The following ZDHHC2 variants were observed in gnomAD, a reference collection of about 807,000 sequenced individuals.
ZDHHC2 encodes palmitoyltransferase ZDHHC2.
Under a neutral mutation model 55.6 loss-of-function variants are expected in ZDHHC2, and 51 were observed. That is an observed-to-expected ratio of 0.92 (90% CI 0.73 to 1.16). The LOEUF (loss-of-function observed/expected upper bound fraction) is 1.16. ZDHHC2 is among the 50% of genes most tolerant of loss of function. ZDHHC2 has a pLI of 0.00. For synonymous variants in ZDHHC2, 199 were observed against 152.9 expected, an observed-to-expected ratio of 1.30 and a Z score of -2.22; for missense variants, 491 against 442.4, an observed-to-expected ratio of 1.11 and a Z score of -0.99.
At chr8:17,209,145 T>C (rs1807248633) in intron 8 of ZDHHC2, among the ~76,000 whole-genome samples, 1 of 152,186 alleles carries the variant, frequency 6.6e-6, no homozygotes, top group Non-Finnish European at 1.5e-5. Flanking sequence ...TCTCAGTCTG[T>C]CGTGTGTTTG....
intron 1 of ZDHHC2, among the ~76,000 whole-genome samples, chr8:17,183,300 T>C (rs1046698114): frequency 1.3e-5 from 2 of 152,188 alleles, no homozygotes; most frequent in African/African-American, 4.8e-5. Flanking sequence ...TGGAGCACTT[T>C]TGAAGACAGG....
chr8:17,212,022 A>G (rs1221827152), intron 10 of ZDHHC2, among the ~76,000 whole-genome samples: 1 of 152,034 alleles, frequency 6.6e-6, no homozygotes, highest in Admixed American at 6.6e-5. Flanking sequence ...TTCTCCTTCC[A>G]CTAAGGGCAC....
At position 17,167,503 on chromosome 8, in the gene ZDHHC2, G is replaced by A. The variant is rs1446435993; in HGVS notation, c.130+10650G>A. 2.0e-5 allele frequency among the ~76,000 whole-genome samples: 3 copies of A among 151,856 alleles called. No individual in the cohort carries two copies. The East Asian group carries it at 5.8e-4, about 29-fold the overall frequency. The stretch of plus-strand genomic sequence containing the variant: ...CCATTTTTGTAGAGACGGGGTTTCC[G>A]CATGTTGGCCAGGCTGGTCTTGAAC... On this transcript the variant is annotated intron_variant, in intron 1 of 12. Transcript: ENST00000262096.
chr8:17,200,047 G>A (rs1806666795), intron 6 of ZDHHC2, among the ~76,000 whole-genome samples: 1 of 152,138 alleles, frequency 6.6e-6, no homozygotes, highest in African/African-American at 2.4e-5. Context: ...GAGCCACCAT[G>A]CCTGGCCAAC....
At chr8:17,158,768 T>C (rs1804190905) in intron 1 of ZDHHC2, among the ~76,000 whole-genome samples, 1 of 152,244 alleles carries the variant, frequency 6.6e-6, no homozygotes, top group Admixed American at 6.5e-5. Context: ...ATACCTTATC[T>C]ATCACTTCTT....
intron 3 of ZDHHC2, among the ~76,000 whole-genome samples, chr8:17,194,910 G>C (rs1007772979): frequency 1.3e-5 from 2 of 152,100 alleles, no homozygotes; most frequent in Non-Finnish European, 2.9e-5. Context: ...CTGTGTGGAA[G>C]ATATGTATTT....
intron 1 of ZDHHC2, among the ~76,000 whole-genome samples, chr8:17,178,380 A>C (rs1805257878): frequency 6.6e-6 from 1 of 152,174 alleles, no homozygotes; most frequent in Admixed American, 6.6e-5. Flanking sequence ...GACTATATTA[A>C]TATATAGTAT....
chr8:17,156,654 C>G lies in ZDHHC2; in HGVS notation c.-70C>G. Reference sequence around the variant, plus strand: ...AGCCCGTCCAGCCAGGGGTGCCGGGCCCGCCCAGCCCGCCCCGGAGCCAGG... The same window carrying G: ...AGCCCGTCCAGCCAGGGGTGCCGGGGCCGCCCAGCCCGCCCCGGAGCCAGG... On this transcript the variant is annotated 5_prime_UTR_variant, in exon 1 of 13. Transcript: ENST00000262096. 2 of 1,140,622 alleles carry G rather than the reference C, an allele frequency of 1.8e-6. No individual in the cohort carries two copies. Among genetic ancestry groups the G allele is most frequent in the Non-Finnish European group, 1.1e-6 (1 of 931,010 alleles). The allele number at this position is 1,140,622 out of a possible 1,614,324, so 70.7% of individuals were successfully genotyped here.
At chr8:17,218,976 C>T (rs534361740) in intron 12 of ZDHHC2, among the ~76,000 whole-genome samples, 27 of 151,950 alleles carry the variant, frequency 1.8e-4, no homozygotes, top group African/African-American at 5.1e-4. Flanking sequence ...ATTGGCCGGG[C>T]GCGGTGGCTC....
intron 1 of ZDHHC2, among the ~76,000 whole-genome samples, chr8:17,162,033 A>G (rs1804370409): frequency 6.6e-6 from 1 of 152,182 alleles, no homozygotes; most frequent in African/African-American, 2.4e-5. Context: ...ATAAAACATG[A>G]TATGTTCCAA....
intron 6 of ZDHHC2, among the ~76,000 whole-genome samples, chr8:17,203,538 T>A (rs893552036): frequency 1.3e-5 from 2 of 151,996 alleles, no homozygotes; most frequent in Non-Finnish European, 2.9e-5. Flanking sequence ...CCACCCATAT[T>A]GTCCAAAGTT....
chr8:17,214,342 A>G (rs1301558266), intron 10 of ZDHHC2, among the ~76,000 whole-genome samples: 1 of 152,164 alleles, frequency 6.6e-6, no homozygotes. Context: ...TATTCCTGCA[A>G]AATAGTTTGC....
At chr8:17,194,133 T>A (rs987196437) in intron 3 of ZDHHC2, among the ~76,000 whole-genome samples, 1 of 152,298 alleles carries the variant, frequency 6.6e-6, no homozygotes, top group South Asian at 2.1e-4. Context: ...TTCCGTGGTA[T>A]GTATGTGCCA....
intron 9 of ZDHHC2, 145 bp from the exon 10 acceptor site, chr8:17,210,243 G>T: frequency 9.5e-7 from 1 of 1,052,570 alleles, no homozygotes; most frequent in South Asian, 1.7e-5. Flanking sequence ...TCATCTTCCT[G>T]AACACTATGT....
At chr8:17,169,528 T>A (rs1045758938) in intron 1 of ZDHHC2, among the ~76,000 whole-genome samples, 2 of 152,186 alleles carry the variant, frequency 1.3e-5, no homozygotes, top group African/African-American at 4.8e-5. Flanking sequence ...ATGGAAATGG[T>A]ACGCAAACTG....
chr8:17,192,513 C>G (rs543165847), intron 3 of ZDHHC2, among the ~76,000 whole-genome samples: 1 of 152,310 alleles, frequency 6.6e-6, no homozygotes, highest in Non-Finnish European at 1.5e-5. Flanking sequence ...CTTATACATT[C>G]TGGATATTAA....
At chr8:17,192,223 T>A (rs1806071767) in intron 3 of ZDHHC2, among the ~76,000 whole-genome samples, 1 of 152,196 alleles carries the variant, frequency 6.6e-6, no homozygotes, top group Admixed American at 6.5e-5. Context: ...TGGGCTCGAA[T>A]GGTCCTCCCG....
At chr8:17,163,048 C>A (rs1393949207) in intron 1 of ZDHHC2, among the ~76,000 whole-genome samples, 1 of 152,240 alleles carries the variant, frequency 6.6e-6, no homozygotes, top group East Asian at 1.9e-4. Flanking sequence ...GCTCGGGCCA[C>A]TTTTACTCTG....
At chr8:17,194,526 G>A (rs934762386) in intron 3 of ZDHHC2, among the ~76,000 whole-genome samples, 42 of 151,206 alleles carry the variant, frequency 2.8e-4, no homozygotes, top group Middle Eastern at 3.4e-3. Flanking sequence ...ACTATCCTGC[G>A]TTTCTGTTAT....
Sources: gnomAD v4.1 joint callset for allele counts (sites outside exome capture counted in the v4.1 genomes callset) on GRCh38, gnomAD v4.1.1 for gene constraint, MANE v1.5 for transcripts, NCBI Gene and HGNC (gene_info 2026-07-23, HGNC 2026-07-21) for gene names.